The following TNNI3K variants were observed in gnomAD, a reference collection of about 807,000 sequenced individuals.
TNNI3K encodes the protein serine/threonine-protein kinase TNNI3K.
In TNNI3K, 140 loss-of-function variants were observed where a neutral mutation model predicts 114.5. That is an observed-to-expected ratio of 1.22 (90% CI 1.07 to 1.41). The LOEUF (loss-of-function observed/expected upper bound fraction) is 1.41. Ranked by LOEUF, TNNI3K falls within the 40% of genes most tolerant of loss-of-function variation. TNNI3K has a pLI of 0.00. For synonymous variants in TNNI3K, 347 were observed against 347.5 expected, an observed-to-expected ratio of 1.00 and a Z score of 0.02; for missense variants, 1,125 against 1,007.6, an observed-to-expected ratio of 1.12 and a Z score of -1.58.
At chr1:74,445,615 TTTTTC>T (rs1164473543) in intron 20 of TNNI3K, among the ~76,000 whole-genome samples, 3 of 142,234 alleles carry the variant, frequency 2.1e-5, no homozygotes, top group African/African-American at 8.1e-5. Context: ...TTTTTTTCTT[TTTTTC>T]TTTTTTTTGA....
At chr1:74,284,969 AG>A (rs1657238971) in intron 5 of TNNI3K, among the ~76,000 whole-genome samples, 1 of 152,264 alleles carries the variant, frequency 6.6e-6, no homozygotes, top group Non-Finnish European at 1.5e-5. Context: ...TGAGCTATTC[AG>A]GAGACTTGAG....
intron 4 of TNNI3K, among the ~76,000 whole-genome samples, chr1:74,254,123 C>A (rs1655130366): frequency 6.6e-6 from 1 of 152,146 alleles, no homozygotes; most frequent in African/African-American, 2.4e-5. Context: ...ACTGCTTATC[C>A]AGGTTCATTA....
At position 74,436,149 on chromosome 1, in the gene TNNI3K, T is replaced by C; in HGVS notation, c.1825+17T>C. On this transcript the variant is annotated intron_variant, in intron 18 of 24. Coordinates refer to ENST00000326637, the MANE Select transcript of TNNI3K (RefSeq NM_015978.3). ...ATTTTGGAGGTGAGATACCCCAAAA[T>C]GGCATCCTTTTTTTCTTTGTTCCTA... 6.2e-7 allele frequency: 1 copy of C among 1,610,748 alleles called. No homozygotes were observed.
At chr1:74,417,024 T>C (rs1665150293) in intron 17 of TNNI3K, among the ~76,000 whole-genome samples, 1 of 152,110 alleles carries the variant, frequency 6.6e-6, no homozygotes. Context: ...CTCCACTGAA[T>C]GTTTAAAAGA....
At chr1:74,407,439 A>G (rs998714066) in intron 17 of TNNI3K, among the ~76,000 whole-genome samples, 2 of 151,954 alleles carry the variant, frequency 1.3e-5, no homozygotes, top group Non-Finnish European at 2.9e-5. Flanking sequence ...TTAAATTAGC[A>G]TTAAATTATA....
At chr1:74,386,402 A>G (rs1424082968) in intron 17 of TNNI3K, among the ~76,000 whole-genome samples, 2 of 152,162 alleles carry the variant, frequency 1.3e-5, no homozygotes, top group Non-Finnish European at 2.9e-5. Flanking sequence ...CAACACTGAA[A>G]TGTGGAGCAT....
intron 5 of TNNI3K, among the ~76,000 whole-genome samples, chr1:74,322,225 T>C (rs1659649344): frequency 6.6e-6 from 1 of 152,178 alleles, no homozygotes; most frequent in East Asian, 1.9e-4. Flanking sequence ...TTTGTGGTGT[T>C]GAATAAGAGC....
Position 74,297,995 on chromosome 1 carries a change from T to A in TNNI3K, c.444+26287T>A, listed in dbSNP as rs184867840. 9.2e-5 allele frequency among the ~76,000 whole-genome samples: 14 copies of A among 152,278 alleles called. No individual in the cohort carries two copies. The East Asian group carries it at 2.7e-3, about 29-fold the overall frequency. ...ATAATTTATTTACTTTAATCCCATA[T>A]GCAAAATACATTCTCCTCTTCAGTT... On this transcript the variant is annotated intron_variant, in intron 5 of 24. Coordinates refer to ENST00000326637, the MANE Select transcript of TNNI3K (RefSeq NM_015978.3).
chr1:74,332,340 G>A (rs551328170), intron 6 of TNNI3K, among the ~76,000 whole-genome samples: 101 of 148,310 alleles, frequency 6.8e-4, no homozygotes, highest in Admixed American at 1.3e-3. Context: ...TTGCTCTGTC[G>A]CCCAGGCTGG....
chr1:74,387,164 C>A (rs1663527299), intron 17 of TNNI3K, among the ~76,000 whole-genome samples: 1 of 152,066 alleles, frequency 6.6e-6, no homozygotes, highest in Non-Finnish European at 1.5e-5. Context: ...TTGAACAATA[C>A]AAACAATTTA....
chr1:74,300,785 T>A (rs1198441644), intron 5 of TNNI3K, among the ~76,000 whole-genome samples: 1 of 152,198 alleles, frequency 6.6e-6, no homozygotes, highest in Non-Finnish European at 1.5e-5. Context: ...CAAATTTAAA[T>A]TTAAATGCCA....
chr1:74,346,796 C>G (rs1309911221), intron 9 of TNNI3K, among the ~76,000 whole-genome samples: 1 of 151,584 alleles, frequency 6.6e-6, no homozygotes, highest in Non-Finnish European at 1.5e-5. Context: ...ATCAAGGTGT[C>G]AACAGGTTTG....
chr1:74,451,824 G>A (rs1404541916), intron 20 of TNNI3K, among the ~76,000 whole-genome samples: 3 of 148,410 alleles, frequency 2.0e-5, no homozygotes, highest in Non-Finnish European at 4.4e-5. Context: ...TTGAATTGAA[G>A]TGGTAAGATA....
chr1:74,497,928 C>G (rs1467482936), intron 23 of TNNI3K, among the ~76,000 whole-genome samples: 2 of 152,264 alleles, frequency 1.3e-5, no homozygotes, highest in South Asian at 2.1e-4. Flanking sequence ...GAGAGTGATA[C>G]TGTCGCTCTC....
At chr1:74,523,086 A>T (rs539975626) in intron 23 of TNNI3K, among the ~76,000 whole-genome samples, 88 of 152,306 alleles carry the variant, frequency 5.8e-4, no homozygotes, top group African/African-American at 1.8e-3. Context: ...GTTCTGTCTG[A>T]TTCCTCTCTT....
intron 17 of TNNI3K, among the ~76,000 whole-genome samples, chr1:74,386,164 C>T (rs566085102): frequency 1.3e-5 from 2 of 152,304 alleles, no homozygotes; most frequent in African/African-American, 4.8e-5. Flanking sequence ...GGCCTCCAGC[C>T]ATGTGGAACC....
chr1:74,386,051 A>T (rs1404844972), intron 17 of TNNI3K, among the ~76,000 whole-genome samples: 1 of 152,210 alleles, frequency 6.6e-6, no homozygotes, highest in African/African-American at 2.4e-5. Context: ...GTTTCATAAG[A>T]TCTGATGGCT....
chr1:74,376,056 T>C (rs2100536721), intron 17 of TNNI3K, among the ~76,000 whole-genome samples: 1 of 152,054 alleles, frequency 6.6e-6, no homozygotes, highest in African/African-American at 2.4e-5. Flanking sequence ...AATTTTAAAA[T>C]AGCCAACTTT....
chr1:74,529,305 C>T (rs550241334), intron 23 of TNNI3K, among the ~76,000 whole-genome samples: 1 of 151,998 alleles, frequency 6.6e-6, no homozygotes, highest in African/African-American at 2.4e-5. Flanking sequence ...AAACAACATC[C>T]CTTCTGTGAT....
Sources: gnomAD v4.1 joint callset for allele counts (sites outside exome capture counted in the v4.1 genomes callset) on GRCh38, gnomAD v4.1.1 for gene constraint, MANE v1.5 for transcripts, NCBI Gene and HGNC (gene_info 2026-07-23, HGNC 2026-07-21) for gene names.